Variants in CYYR1 observed in about 807,000 individuals in gnomAD.
CYYR1 encodes the protein cysteine and tyrosine-rich protein 1.
Under a neutral mutation model 15.2 loss-of-function variants are expected in CYYR1, and 14 were observed. The ratio of observed to expected loss-of-function variants is 0.92; its 90% CI spans 0.61 to 1.44. CYYR1 has a LOEUF of 1.44. Among genes scored for constraint, CYYR1 ranks in the 40% most tolerant of loss-of-function variants. CYYR1 has a pLI of 0.00. For missense variants in CYYR1, 228 were observed against 209.5 expected, an observed-to-expected ratio of 1.09 and a Z score of -0.54; for synonymous variants, 80 against 77.4, an observed-to-expected ratio of 1.03 and a Z score of -0.18.
chr21:26,530,328 A>G (rs1238327044), intron 2 of CYYR1, among the ~76,000 whole-genome samples: 1 of 152,064 alleles, frequency 6.6e-6, no homozygotes, highest in East Asian at 1.9e-4. Flanking sequence ...AATATAAATA[A>G]CTATAAAAAT....
intron 2 of CYYR1, among the ~76,000 whole-genome samples, chr21:26,558,735 G>T (rs979282571): frequency 2.0e-5 from 3 of 152,178 alleles, no homozygotes; most frequent in African/African-American, 7.2e-5. Flanking sequence ...ATGGCATCAT[G>T]TAGTACACAT....
chr21:26,564,936 T>A, intron 2 of CYYR1: 1 of 474,640 alleles, frequency 2.1e-6, no homozygotes, highest in Non-Finnish European at 2.9e-6. Flanking sequence ...ATTATATATT[T>A]AAATTTGAGC....
In CYYR1 at chr21:26,554,604, C is replaced by T. The variant is rs530617405; in HGVS notation, c.176+11662G>A. On this transcript the variant is annotated intron_variant, in intron 2 of 3. Transcript: ENST00000652641. ...TTTATTTCACTCAAGGCCGAGAGTGCTCTCCTGGGGAGAGGCAGGTGGTAC... is the reference window on the plus strand; with the variant it reads ...TTTATTTCACTCAAGGCCGAGAGTGTTCTCCTGGGGAGAGGCAGGTGGTAC... 2.0e-5 allele frequency among the ~76,000 whole-genome samples: 3 copies of T among 152,152 alleles called. No individual in the cohort carries two copies. In the East Asian group the frequency reaches 5.8e-4, roughly 29 times the overall value.
chr21:26,479,457 T>C (rs2065144318), intron 3 of CYYR1, among the ~76,000 whole-genome samples: 1 of 152,126 alleles, frequency 6.6e-6, no homozygotes, highest in African/African-American at 2.4e-5. Context: ...CCTAAGAGTG[T>C]GTTAAATTTA....
At chr21:26,532,681 C>T (rs2065946991) in intron 2 of CYYR1, among the ~76,000 whole-genome samples, 1 of 152,092 alleles carries the variant, frequency 6.6e-6, no homozygotes, top group African/African-American at 2.4e-5. Flanking sequence ...GTTAATTTTT[C>T]ACTGTATTAA....
At chr21:26,501,216 C>A (rs1481978457) in intron 2 of CYYR1, among the ~76,000 whole-genome samples, 2 of 152,046 alleles carry the variant, frequency 1.3e-5, no homozygotes, top group Non-Finnish European at 2.9e-5. Context: ...CACATGCCTG[C>A]AATCCTAGCT....
intron 2 of CYYR1, among the ~76,000 whole-genome samples, chr21:26,514,351 G>C (rs2065692243): frequency 6.6e-6 from 1 of 152,102 alleles, no homozygotes. Flanking sequence ...GTGGTAATGA[G>C]TTTTTACTCT....
chr21:26,503,749 T>G (rs1348996073), intron 2 of CYYR1: 4 of 152,176 alleles, frequency 2.6e-5, no homozygotes, highest in Non-Finnish European at 5.9e-5. Flanking sequence ...CTGGATATTA[T>G]TTATTCAGAT....
Position 26,467,784 on chromosome 21 carries a change from A to T in CYYR1, c.*717T>A, listed in dbSNP as rs2064986383. 1 of 151,366 alleles carries T rather than the reference A, an allele frequency of 6.6e-6. No homozygotes were observed. The highest frequency in any genetic ancestry group is 2.4e-5 in the African/African-American group (1 of 41,116). The allele number at this position is 151,366 out of a possible 1,614,324, so 9.4% of individuals were successfully genotyped here. A position where few individuals can be genotyped will look rare whatever the true frequency, so the allele number is the denominator to read the frequency against. On this transcript the variant is annotated 3_prime_UTR_variant, in exon 4 of 4. Transcript: ENST00000652641. Reference sequence around the variant, plus strand: ...TCCCTAATTAAATAAATAAGATCCAACTCTTTCTGTTGTATTCACTCCTGG... The same window carrying T: ...TCCCTAATTAAATAAATAAGATCCATCTCTTTCTGTTGTATTCACTCCTGG...
chr21:26,532,988 G>A lies in CYYR1; in HGVS notation c.176+33278C>T, dbSNP rs529850880. 4.6e-5 allele frequency among the ~76,000 whole-genome samples: 7 copies of A among 151,940 alleles called. No individual in the cohort carries two copies. The East Asian group carries it at 1.4e-3, about 29-fold the overall frequency. Reference sequence around the variant, plus strand: ...GTTTAGACTTGGGTTCTATACCCAAGGTATCTTATTATGTATATGCAAATA... The same window carrying A: ...GTTTAGACTTGGGTTCTATACCCAAAGTATCTTATTATGTATATGCAAATA... On this transcript the variant is annotated intron_variant, in intron 2 of 3. Transcript: ENST00000652641.
At chr21:26,486,195 G>A (rs1032127256) in intron 2 of CYYR1, among the ~76,000 whole-genome samples, 3 of 152,004 alleles carry the variant, frequency 2.0e-5, no homozygotes, top group Non-Finnish European at 2.9e-5. Flanking sequence ...TGTAGTTTGC[G>A]AATATTTTTA....
intron 3 of CYYR1, among the ~76,000 whole-genome samples, chr21:26,480,028 C>G (rs2065153442): frequency 6.6e-6 from 1 of 152,042 alleles, no homozygotes; most frequent in South Asian, 2.1e-4. Flanking sequence ...TTCTGGCTGA[C>G]TGGCAATTGT....
intron 2 of CYYR1, among the ~76,000 whole-genome samples, chr21:26,523,075 C>T (rs1046107411): frequency 2.0e-5 from 3 of 152,146 alleles, no homozygotes; most frequent in African/African-American, 4.8e-5. Flanking sequence ...CGAAGTTTAA[C>T]TGTGGTGAAC....
At chr21:26,480,529 A>G in intron 2 of CYYR1, 100 bp from the exon 3 acceptor site, 1 of 1,280,346 alleles carries the variant, frequency 7.8e-7, no homozygotes, top group Non-Finnish European at 1.1e-6. Flanking sequence ...TTTCTTACAA[A>G]TGTTCTTAAG....
Position 26,549,652 on chromosome 21 carries a change from G to A in CYYR1, c.176+16614C>T, listed in dbSNP as rs113118156. Among the ~76,000 whole-genome samples the A allele has an allele frequency of 6.6e-3, 997 of 152,186 alleles. 11 individuals are homozygous for A. Among genetic ancestry groups the A allele is most frequent in the African/African-American group, 0.023 (945 of 41,512 alleles). On this transcript the variant is annotated intron_variant, in intron 2 of 3. Transcript: ENST00000652641. ...TGGGTATTTGATGCACTACAGAAAA[G>A]TGTAGAGTGTGGGCCAGATCCTCAA...
intron 2 of CYYR1, among the ~76,000 whole-genome samples, chr21:26,535,082 A>G (rs2123621349): frequency 6.6e-6 from 1 of 152,216 alleles, no homozygotes; most frequent in African/African-American, 2.4e-5. Context: ...TGGCAAGAAT[A>G]TACACCGGGG....
intron 2 of CYYR1, among the ~76,000 whole-genome samples, chr21:26,505,171 C>G (rs1294832678): frequency 6.6e-6 from 1 of 152,100 alleles, no homozygotes; most frequent in East Asian, 1.9e-4. Flanking sequence ...AAACATGGCC[C>G]CTCTTTGCTA....
chr21:26,485,904 A>C (rs2065242191), intron 2 of CYYR1, among the ~76,000 whole-genome samples: 1 of 152,148 alleles, frequency 6.6e-6, no homozygotes, highest in South Asian at 2.1e-4. Flanking sequence ...CCTACCAGCA[A>C]GGTATGAGAG....
intron 2 of CYYR1, among the ~76,000 whole-genome samples, chr21:26,514,912 C>T (rs1053563888): frequency 4.6e-5 from 7 of 152,288 alleles, no homozygotes; most frequent in East Asian, 1.9e-4. Flanking sequence ...TGTTTCCCAC[C>T]GCTATATCAT....
Sources: allele counts gnomAD v4.1 joint callset (sites outside exome capture counted in the v4.1 genomes callset), GRCh38; gene constraint gnomAD v4.1.1; transcripts MANE v1.5; gene names NCBI Gene and HGNC (gene_info 2026-07-23, HGNC 2026-07-21).